Variants in CMTM4 observed in about 807,000 individuals in gnomAD.
CMTM4 encodes CKLF-like MARVEL transmembrane domain-containing protein 4.
CMTM4 carries 8 observed loss-of-function variants against 19.0 expected under a neutral mutation model. The ratio of observed to expected loss-of-function variants is 0.42; its 90% CI spans 0.25 to 0.76. The LOEUF is 0.76. CMTM4 is among the 30% of genes least tolerant of loss of function. The pLI is 0.27. For missense variants in CMTM4, 228 were observed against 290.2 expected (o/e 0.79, Z 1.56); for synonymous variants, 106 against 121.1 (o/e 0.88, Z 0.82).
At chr16:66,633,090 T>A (rs959636106) in intron 2 of CMTM4, among the ~76,000 whole-genome samples, 3 of 51,258 alleles carry the variant, frequency 5.9e-5, no homozygotes, top group African/African-American at 1.2e-4. Context: ...CGTTTCAAAA[T>A]ATATATATAT....
At chr16:66,604,977 G>GC in the CMTM4 span, 2 of 1,467,336 alleles carry the variant, frequency 1.4e-6, no homozygotes, top group Non-Finnish European at 1.8e-6. Flanking sequence ...ACCCTCGGCC[G>GC]CCCCGCTAGG....
rs2017241408 is a variant in CMTM4 at position 66,696,565 on chromosome 16, C to T, written c.-40G>A. ...CGGGCCGCCTCGCGCGGCTGGCTCC[C>T]GGCGCCAGGAGCGGGCGGACTCAGC... On this transcript the variant is annotated 5_prime_UTR_variant, in exon 1 of 4. Transcript: ENST00000394106. This position sits in a 1 kb window ranked among gnomAD's most constrained non-coding sequence, Gnocchi z 4.3. 2.6e-6 allele frequency: 3 copies of T among 1,140,774 alleles called. No individual in the cohort carries two copies. The South Asian group carries it at 1.3e-4, about 48-fold the overall frequency. The allele number at this position is 1,140,774 out of a possible 1,614,324, so 70.7% of individuals were successfully genotyped here. A position where few individuals can be genotyped will look rare whatever the true frequency, so the allele number is the denominator to read the frequency against.
intron 1 of CMTM4, among the ~76,000 whole-genome samples, chr16:66,637,699 C>T (rs17767453): frequency 0.044 from 6,651 of 152,210 alleles, 268 homozygotes; most frequent in East Asian, 0.16. Context: ...GGCCCAAAGG[C>T]GGAGTTAATG....
chr16:66,662,602 CAG>C (rs1475562059), intron 1 of CMTM4, among the ~76,000 whole-genome samples: 2 of 152,102 alleles, frequency 1.3e-5, no homozygotes, highest in Non-Finnish European at 2.9e-5. Context: ...ATGTCCACAA[CAG>C]AGGAGTCGAC....
chr16:66,619,495 C>A lies in CMTM4; in HGVS notation c.*2563G>T. ...TGCCCCAAACCAAACTGATATTGGT[C>A]CCTATTGAAACTATTAAACGCAAAA... On this transcript the variant is annotated 3_prime_UTR_variant, in exon 4 of 4. Transcript: ENST00000394106. 4 of 985,422 alleles carry A rather than the reference C, an allele frequency of 4.1e-6. No homozygotes were observed. Among genetic ancestry groups the A allele is most frequent in the Non-Finnish European group, 3.6e-6 (3 of 829,928 alleles). The allele number at this position is 985,422 out of a possible 1,614,324, so 61.0% of individuals were successfully genotyped here. A position where few individuals can be genotyped will look rare whatever the true frequency, so the allele number is the denominator to read the frequency against.
intron 2 of CMTM4, among the ~76,000 whole-genome samples, chr16:66,633,102 A>AATATATATATATAAAT (rs2015909428): frequency 1.0e-5 from 1 of 97,436 alleles, no homozygotes; most frequent in African/African-American, 4.7e-5. Flanking sequence ...TATATATATA[A>AATATATATATATAAAT]ATATATATAT....
intron 1 of CMTM4, among the ~76,000 whole-genome samples, chr16:66,682,097 C>CT (rs1327315628): frequency 6.6e-6 from 1 of 152,172 alleles, no homozygotes; most frequent in Non-Finnish European, 1.5e-5. Flanking sequence ...CCCAAGAGCT[C>CT]TGGGAGCTCT....
At chr16:66,676,216 C>G (rs751053659) in intron 1 of CMTM4, among the ~76,000 whole-genome samples, 2 of 152,130 alleles carry the variant, frequency 1.3e-5, no homozygotes, top group Non-Finnish European at 2.9e-5. Context: ...GGGCAATTGC[C>G]TGAGTTGGTT....
intron 1 of CMTM4, among the ~76,000 whole-genome samples, chr16:66,670,116 A>G (rs355978): frequency 0.093 from 14,156 of 152,162 alleles, 912 homozygotes; most frequent in East Asian, 0.25. Flanking sequence ...AAAGCATAAC[A>G]AAGCATCATG....
rs528996329 is a variant in CMTM4 at position 66,656,437 on chromosome 16, C to T, written c.187-19856G>A. ...GGAGTACAGCGGCGTGATCTTGGCTCACTGCAACCTCTGCCTCTCAGTCTC... is the reference window on the plus strand; with the variant it reads ...GGAGTACAGCGGCGTGATCTTGGCTTACTGCAACCTCTGCCTCTCAGTCTC... On this transcript the variant is annotated intron_variant, in intron 1 of 3. Coordinates refer to ENST00000394106, the MANE Select transcript of CMTM4 (RefSeq NM_181521.3). 8.1e-4 allele frequency among the ~76,000 whole-genome samples: 124 copies of T among 152,224 alleles called. 1 individual carries two copies. The highest frequency in any genetic ancestry group is 2.8e-3 in the African/African-American group (118 of 41,540).
chr16:66,654,660 C>G (rs355958), intron 1 of CMTM4, among the ~76,000 whole-genome samples: 14,276 of 152,218 alleles, frequency 0.094, 940 homozygotes, highest in East Asian at 0.27. Context: ...ACGGCCCTGG[C>G]CCGTGATCCC....
At chr16:66,639,328 T>C (rs2016057780) in intron 1 of CMTM4, among the ~76,000 whole-genome samples, 1 of 152,164 alleles carries the variant, frequency 6.6e-6, no homozygotes, top group African/African-American at 2.4e-5. Flanking sequence ...CATATTTGTG[T>C]GGGAAGGTAA....
In CMTM4 at chr16:66,617,294, G is replaced by T. The variant is rs201212372; in HGVS notation, c.*4764C>A. ...GAACTTTTCTAGGCAAGTTGCCAGT[G>T]ATTCAAACTCAGCAGGTTTGTGGGT... On this transcript the variant is annotated 3_prime_UTR_variant, in exon 4 of 4. Transcript: ENST00000394106. The T allele has an allele frequency of 1.5e-5, 24 of 1,613,932 alleles. No homozygotes were observed. Among genetic ancestry groups the T allele is most frequent in the Non-Finnish European group, 1.9e-5 (23 of 1,180,018 alleles).
intron 1 of CMTM4, among the ~76,000 whole-genome samples, chr16:66,694,981 G>A (rs1247552288): frequency 1.3e-5 from 2 of 151,998 alleles, no homozygotes; most frequent in Admixed American, 6.6e-5. Context: ...ATTTACAAAC[G>A]CCAGGACATT....
rs143737544 is a variant in CMTM4, at chr16:66,629,331, G to T, written c.364-5829C>A. On this transcript the variant is annotated intron_variant, in intron 2 of 3. Transcript: ENST00000394106. ...CTCACTTGTGCTTGAATGGCCCCAG[G>T]ATCAAAGGGACAATTATAATGTTGA... Among the ~76,000 whole-genome samples, 250 of 152,224 alleles carry T rather than the reference G, an allele frequency of 1.6e-3. 2 individuals carry two copies. The highest frequency in any genetic ancestry group is 5.7e-3 in the African/African-American group (237 of 41,548).
At chr16:66,653,684 A>G (rs1255217146) in intron 1 of CMTM4, among the ~76,000 whole-genome samples, 1 of 152,174 alleles carries the variant, frequency 6.6e-6, no homozygotes, top group Non-Finnish European at 1.5e-5. Flanking sequence ...TAAGCATTCT[A>G]GCCTTTAATT....
At chr16:66,626,712 G>C (rs2015746700) in intron 2 of CMTM4, among the ~76,000 whole-genome samples, 1 of 151,152 alleles carries the variant, frequency 6.6e-6, no homozygotes, top group Admixed American at 6.6e-5. Flanking sequence ...AGAGGTTGCT[G>C]TGAGCCCAGA....
chr16:66,626,498 C>G (rs1160518036), intron 2 of CMTM4, among the ~76,000 whole-genome samples: 1 of 152,108 alleles, frequency 6.6e-6, no homozygotes, highest in Non-Finnish European at 1.5e-5. Flanking sequence ...CCCAGTTACT[C>G]GGCAGGCTGA....
At chr16:66,659,941 C>T (rs143525452) in intron 1 of CMTM4, among the ~76,000 whole-genome samples, 43 of 151,988 alleles carry the variant, frequency 2.8e-4, no homozygotes, top group Non-Finnish European at 4.9e-4. Flanking sequence ...AACTTATATC[C>T]AGAACATACA....
Sources: allele counts gnomAD v4.1 joint callset (sites outside exome capture counted in the v4.1 genomes callset), GRCh38; gene constraint gnomAD v4.1.1; non-coding constraint Gnocchi (gnomAD v3.1); transcripts MANE v1.5; gene names NCBI Gene and HGNC (gene_info 2026-07-23, HGNC 2026-07-21).